The following SCN11A variants were observed in gnomAD, a reference collection of about 807,000 sequenced individuals.
SCN11A encodes sodium channel protein type 11 subunit alpha.
SCN11A carries 122 observed loss-of-function variants against 162.2 expected under a neutral mutation model. That is an observed-to-expected ratio of 0.75 (90% CI 0.65 to 0.87). The LOEUF is 0.87. Ranked by LOEUF, SCN11A falls within the 40% of genes least tolerant of loss-of-function variation. The probability of loss-of-function intolerance (pLI) is 0.00; values close to 1 mark genes in which losing one functional copy is unlikely to be tolerated. For synonymous variants in SCN11A, 758 were observed against 751.5 expected, an observed-to-expected ratio of 1.01 and a Z score of -0.14; for missense variants, 2,015 against 2,181.6, an observed-to-expected ratio of 0.92 and a Z score of 1.52.
intron 4 of SCN11A, among the ~76,000 whole-genome samples, chr3:38,951,686 T>G (rs1220694400): frequency 6.6e-6 from 1 of 152,218 alleles, no homozygotes; most frequent in South Asian, 2.1e-4. Context: ...CAGCACCCTG[T>G]GTCTAGCTCA....
intron 2 of SCN11A, among the ~76,000 whole-genome samples, chr3:38,964,404 C>T (rs2125584814): frequency 6.6e-6 from 1 of 152,306 alleles, no homozygotes; most frequent in Middle Eastern, 3.4e-3. Context: ...ATCCTGAAAA[C>T]ATTAAAACAA....
intron 7 of SCN11A, among the ~76,000 whole-genome samples, chr3:38,944,650 A>T (rs1006344633): frequency 6.6e-6 from 1 of 151,824 alleles, no homozygotes; most frequent in African/African-American, 2.4e-5. Context: ...CTAAGAGTGT[A>T]TCTCAAGAAA....
chr3:38,941,461 A>G (rs1004331443), intron 7 of SCN11A, among the ~76,000 whole-genome samples: 1 of 152,238 alleles, frequency 6.6e-6, no homozygotes, highest in African/African-American at 2.4e-5. Flanking sequence ...TCTACAGGAA[A>G]AAAAATGTCT....
At chr3:38,934,643 A>T (rs1488574428) in intron 7 of SCN11A, among the ~76,000 whole-genome samples, 1 of 152,054 alleles carries the variant, frequency 6.6e-6, no homozygotes, top group Non-Finnish European at 1.5e-5. Flanking sequence ...GCCATTACAT[A>T]ATGGTAAAGG....
At chr3:39,051,274 C>T (rs2032363877) in intron 1 of SCN11A, among the ~76,000 whole-genome samples, 1 of 152,084 alleles carries the variant, frequency 6.6e-6, no homozygotes, top group South Asian at 2.1e-4. Context: ...TCGCCCTCCT[C>T]CCACCCTCCA....
At chr3:38,886,096 T>G (rs767582803) in intron 20 of SCN11A, 29 bp downstream of exon 20, 1 of 1,450,276 alleles carries the variant, frequency 6.9e-7, no homozygotes, top group East Asian at 2.3e-5. Context: ...GAGCCACAAG[T>G]TCCTCTGACA....
rs185927516 is a variant in SCN11A, at chr3:38,982,844, G to A, written c.-279-22421C>T. The stretch of plus-strand genomic sequence containing the variant: ...TCTTCCAATAAATGTGATCTTGGGG[G>A]AGACCATTTTGGGCCTTGGTTTCCA... On this transcript the variant is annotated intron_variant, in intron 2 of 29. Transcript: ENST00000302328. Among the ~76,000 whole-genome samples the A allele has an allele frequency of 1.4e-4, 21 of 152,250 alleles. No individual in the cohort carries two copies. In the East Asian group the frequency reaches 3.9e-3, roughly 28 times the overall value.
intron 22 of SCN11A, among the ~76,000 whole-genome samples, chr3:38,880,395 CT>C (rs1192567308): frequency 6.6e-6 from 1 of 152,128 alleles, no homozygotes; most frequent in Non-Finnish European, 1.5e-5. Context: ...AAACATCTTC[CT>C]AATGGATCAG....
intron 2 of SCN11A, among the ~76,000 whole-genome samples, chr3:39,028,714 A>G (rs2031663982): frequency 6.6e-6 from 1 of 152,220 alleles, no homozygotes; most frequent in Non-Finnish European, 1.5e-5. Context: ...GCAAGAGAGC[A>G]AGAGTGTGCA....
chr3:39,039,867 T>G (rs1349516887), intron 1 of SCN11A, among the ~76,000 whole-genome samples: 1 of 152,006 alleles, frequency 6.6e-6, no homozygotes, highest in Non-Finnish European at 1.5e-5. Context: ...ACCAAGGACC[T>G]GCCCACTTAG....
intron 11 of SCN11A, among the ~76,000 whole-genome samples, chr3:38,913,636 A>G (rs1349008533): frequency 6.6e-6 from 1 of 152,142 alleles, no homozygotes; most frequent in Admixed American, 6.6e-5. Flanking sequence ...GGGGATTTAC[A>G]TTTAAGTCTT....
intron 2 of SCN11A, among the ~76,000 whole-genome samples, chr3:38,963,682 C>A (rs1253238358): frequency 6.6e-6 from 1 of 151,636 alleles, no homozygotes; most frequent in Non-Finnish European, 1.5e-5. Flanking sequence ...TATGAGGATG[C>A]AAAGGCATAA....
intron 2 of SCN11A, among the ~76,000 whole-genome samples, chr3:38,967,624 T>C (rs182673492): frequency 6.6e-6 from 1 of 152,304 alleles, no homozygotes; most frequent in East Asian, 1.9e-4. Context: ...CAAGGCAGAC[T>C]CTTGAGGTGG....
chr3:38,950,827 G>C (rs2066601815), intron 4 of SCN11A, among the ~76,000 whole-genome samples: 1 of 152,234 alleles, frequency 6.6e-6, no homozygotes, highest in Admixed American at 6.5e-5. Flanking sequence ...AAGCAAAACT[G>C]AAAGTGCATG....
rs2064994059 is a variant in SCN11A, at chr3:38,863,284, T to G, written c.3967A>C (p.Ile1323Leu). Residue 1323 changes from isoleucine (I) to leucine (L), a missense_variant, in exon 28 of 30, where the codon ATT becomes CTT. Coordinates refer to ENST00000302328, the MANE Select transcript of SCN11A (RefSeq NM_001349253.2). ...QQQKKLGGQD[I>L]FMTEEQKKYY... ...TTCTTCTGTTCTTCTGTCATAAAAA[T>G]GTCTTGGCCACCTAAGTATATGGAG... is the stretch of plus-strand genomic sequence containing the variant. The G allele has an allele frequency of 6.3e-7, 1 of 1,593,330 alleles. No individual in the cohort carries two copies. Among genetic ancestry groups the G allele is most frequent in the East Asian group, 2.2e-5 (1 of 44,662 alleles).
chr3:38,947,723 G>C (rs781270762), intron 5 of SCN11A, among the ~76,000 whole-genome samples: 9 of 152,138 alleles, frequency 5.9e-5, no homozygotes, highest in Non-Finnish European at 1.2e-4. Flanking sequence ...GCAGCCCCTG[G>C]ACAACAACCT....
intron 5 of SCN11A, among the ~76,000 whole-genome samples, chr3:38,948,821 G>A (rs921433325): frequency 1.3e-5 from 2 of 152,138 alleles, no homozygotes; most frequent in African/African-American, 2.4e-5. Context: ...TGACTCATGC[G>A]TCTCCTCTCC....
At chr3:39,029,637 G>C (rs2031694663) in intron 2 of SCN11A, among the ~76,000 whole-genome samples, 1 of 152,182 alleles carries the variant, frequency 6.6e-6, no homozygotes, top group African/African-American at 2.4e-5. Flanking sequence ...ATCTTCTCCT[G>C]TCTTCCAGAT....
At chr3:39,017,330 G>A (rs1292346240) in intron 2 of SCN11A, among the ~76,000 whole-genome samples, 1 of 150,628 alleles carries the variant, frequency 6.6e-6, no homozygotes, top group African/African-American at 2.4e-5. Context: ...CTAGTCTATG[G>A]TAATTTGTTA....
Sources: gnomAD v4.1 joint callset for allele counts (sites outside exome capture counted in the v4.1 genomes callset) on GRCh38, gnomAD v4.1.1 for gene constraint, MANE v1.5 for transcripts, NCBI Gene and HGNC (gene_info 2026-07-23, HGNC 2026-07-21) for gene names.